Variants in IQGAP2 observed in about 807,000 individuals in gnomAD.
The protein encoded by IQGAP2 is IQ motif containing GTPase activating protein 2.
Under a neutral mutation model 201.3 loss-of-function variants are expected in IQGAP2, and 173 were observed. That is an observed-to-expected ratio of 0.86 (90% CI 0.76 to 0.98). IQGAP2 has a LOEUF of 0.98. IQGAP2 is among the 50% of genes least tolerant of loss of function. The pLI, the probability that IQGAP2 is intolerant of heterozygous loss-of-function variation, is 0.00. For missense variants in IQGAP2, 1,687 were observed against 1,864.8 expected (o/e 0.90, Z 1.76); for synonymous variants, 675 against 673.9 (o/e 1.00, Z -0.03).
At chr5:76,667,684 T>C (rs1743901332) in intron 22 of IQGAP2, among the ~76,000 whole-genome samples, 1 of 152,082 alleles carries the variant, frequency 6.6e-6, no homozygotes, top group Non-Finnish European at 1.5e-5. Context: ...GTCCTGACCT[T>C]CACCCCTCTC....
intron 30 of IQGAP2, among the ~76,000 whole-genome samples, chr5:76,690,014 T>C (rs1342520256): frequency 6.6e-5 from 10 of 152,194 alleles, no homozygotes; most frequent in Non-Finnish European, 1.0e-4. Context: ...CCTGGTGTAT[T>C]TCTTTCTCTT....
chr5:76,566,242 A>T (rs1381481708), intron 3 of IQGAP2, among the ~76,000 whole-genome samples: 4 of 152,262 alleles, frequency 2.6e-5, no homozygotes, highest in Admixed American at 6.5e-5. Context: ...GAATTGTGAT[A>T]AGTGTCTGAA....
At chr5:76,583,731 T>G (rs989517287) in intron 5 of IQGAP2, among the ~76,000 whole-genome samples, 1 of 152,232 alleles carries the variant, frequency 6.6e-6, no homozygotes, top group Non-Finnish European at 1.5e-5. Context: ...ATTAAAAATG[T>G]AATTGGAAAT....
At chr5:76,537,360 T>A (rs1355725621) in intron 2 of IQGAP2, among the ~76,000 whole-genome samples, 2 of 152,142 alleles carry the variant, frequency 1.3e-5, no homozygotes, top group Non-Finnish European at 2.9e-5. Context: ...GTAGTAATAG[T>A]GATATTAAGG....
At chr5:76,613,070 C>T (rs1561509765) in intron 13 of IQGAP2, among the ~76,000 whole-genome samples, 1 of 152,224 alleles carries the variant, frequency 6.6e-6, no homozygotes, top group Non-Finnish European at 1.5e-5. Context: ...ACCCTCCTCA[C>T]TTTGCCAAGC....
Position 76,618,152 on chromosome 5 carries a change from G to A in IQGAP2, c.1521+6969G>A, listed in dbSNP as rs759882296. 3 of 1,614,052 alleles carry A rather than the reference G, an allele frequency of 1.9e-6. No individual in the cohort carries two copies. In the African/African-American group the frequency reaches 4.0e-5, roughly 22 times the overall value. Reference sequence around the variant, plus strand: ...CCAGGTAGCGGTTGATGCTGATGCAGGCAAGGAGCAGAATGGAGCAGTACA... The same window carrying A: ...CCAGGTAGCGGTTGATGCTGATGCAAGCAAGGAGCAGAATGGAGCAGTACA... On this transcript the variant is annotated intron_variant, in intron 13 of 35. Coordinates refer to ENST00000274364, the MANE Select transcript of IQGAP2 (RefSeq NM_006633.5).
At chr5:76,552,065 C>G (rs982036578) in intron 2 of IQGAP2, among the ~76,000 whole-genome samples, 1 of 152,168 alleles carries the variant, frequency 6.6e-6, no homozygotes. Flanking sequence ...TGAACACTTT[C>G]GTTGTGGGGT....
chr5:76,410,623 A>C (rs1052362706), intron 1 of IQGAP2, among the ~76,000 whole-genome samples: 1 of 152,198 alleles, frequency 6.6e-6, no homozygotes, highest in Admixed American at 6.5e-5. Flanking sequence ...GAATTCAATG[A>C]GAACAGGTAA....
chr5:76,619,814 G>A (rs1580634344), intron 13 of IQGAP2, among the ~76,000 whole-genome samples: 3 of 152,180 alleles, frequency 2.0e-5, no homozygotes, highest in East Asian at 1.9e-4. Context: ...CACCGCGCCC[G>A]GCCAGTTAAG....
intron 9 of IQGAP2, among the ~76,000 whole-genome samples, chr5:76,595,791 A>C (rs1746993769): frequency 6.6e-6 from 1 of 151,704 alleles, no homozygotes; most frequent in Non-Finnish European, 1.5e-5. Context: ...AGAGAGAGAG[A>C]GAGAGAGAAA....
chr5:76,543,325 GTC>G (rs1742897733), intron 2 of IQGAP2, among the ~76,000 whole-genome samples: 1 of 152,054 alleles, frequency 6.6e-6, no homozygotes, highest in South Asian at 2.1e-4. Flanking sequence ...TTTTCAGCCC[GTC>G]TCTCTGTGTG....
At chr5:76,635,347 T>A (rs73123746) in intron 15 of IQGAP2, among the ~76,000 whole-genome samples, 2,159 of 152,334 alleles carry the variant, frequency 0.014, 69 homozygotes, top group African/African-American at 0.049. Context: ...CCTTTCCATG[T>A]AAATCAAAGT....
intron 17 of IQGAP2, among the ~76,000 whole-genome samples, chr5:76,648,232 G>A (rs1752228438): frequency 6.6e-6 from 1 of 152,092 alleles, no homozygotes; most frequent in Non-Finnish European, 1.5e-5. Context: ...GGTTCCTTGG[G>A]TCCCAAGATT....
intron 33 of IQGAP2, 32 bp from the exon 34 acceptor site, chr5:76,701,044 T>A: frequency 6.2e-7 from 1 of 1,611,908 alleles, no homozygotes; most frequent in Non-Finnish European, 8.5e-7. Context: ...TTTGCCATCA[T>A]AACAACAAAT....
chr5:76,523,076 CTTTTTTTT>C (rs35277348), intron 2 of IQGAP2, among the ~76,000 whole-genome samples: 6 of 78,372 alleles, frequency 7.7e-5, no homozygotes, highest in African/African-American at 1.5e-4. Context: ...TTTCTTTTGC[CTTTTTTTT>C]TTTTTTTTTT....
intron 2 of IQGAP2, among the ~76,000 whole-genome samples, chr5:76,510,143 G>T (rs1426783135): frequency 1.3e-5 from 2 of 151,962 alleles, no homozygotes; most frequent in African/African-American, 4.8e-5. Context: ...GGGATTACAG[G>T]CACCCGCCAC....
At chr5:76,621,722 A>C (rs2150364170) in intron 13 of IQGAP2, among the ~76,000 whole-genome samples, 1 of 152,310 alleles carries the variant, frequency 6.6e-6, no homozygotes, top group Non-Finnish European at 1.5e-5. Flanking sequence ...GGGTCCACTT[A>C]AATAAGGCTT....
chr5:76,463,123 TAAAA>T (rs5868826), intron 2 of IQGAP2, among the ~76,000 whole-genome samples: 15 of 105,710 alleles, frequency 1.4e-4, no homozygotes, highest in Non-Finnish European at 2.4e-4. Context: ...ACGCTGTCTT[TAAAA>T]AAAAAAAAAA....
chr5:76,559,917 C>G (rs547628947), intron 2 of IQGAP2, among the ~76,000 whole-genome samples: 5 of 152,274 alleles, frequency 3.3e-5, no homozygotes, highest in East Asian at 1.9e-4. Flanking sequence ...TGCCCACCCC[C>G]CTACCTCTGA....
Sources: allele counts gnomAD v4.1 joint callset (sites outside exome capture counted in the v4.1 genomes callset), GRCh38; gene constraint gnomAD v4.1.1; transcripts MANE v1.5; gene names NCBI Gene and HGNC (gene_info 2026-07-23, HGNC 2026-07-21).